The following ZDHHC14 variants were observed in gnomAD, a reference collection of about 807,000 sequenced individuals.
ZDHHC14 encodes the protein palmitoyltransferase ZDHHC14.
A neutral mutation model predicts 47.7 loss-of-function variants in ZDHHC14; 16 were observed. The observed-to-expected ratio is 0.34, with a 90% CI of 0.23 to 0.51. The LOEUF is 0.51. Ranked by LOEUF, ZDHHC14 falls within the 20% of genes least tolerant of loss-of-function variation. ZDHHC14 has a pLI of 0.97. For synonymous variants in ZDHHC14, 293 were observed against 278.9 expected (o/e 1.05, Z -0.50); for missense variants, 515 against 662.5 (o/e 0.78, Z 2.44).
chr6:157,534,685 G>C (rs762673929), intron 1 of ZDHHC14, among the ~76,000 whole-genome samples: 12 of 151,936 alleles, frequency 7.9e-5, no homozygotes, highest in African/African-American at 2.4e-4. Flanking sequence ...GCCTCCCAGG[G>C]TCAAGCCAGC....
At chr6:157,648,525 A>G (rs1201418262) in intron 7 of ZDHHC14, among the ~76,000 whole-genome samples, 1 of 152,192 alleles carries the variant, frequency 6.6e-6, no homozygotes, top group South Asian at 2.1e-4. Context: ...TGCTACTGCA[A>G]AACTAGAACT....
At chr6:157,514,155 A>G (rs766495526) in intron 1 of ZDHHC14, among the ~76,000 whole-genome samples, 4 of 152,216 alleles carry the variant, frequency 2.6e-5, no homozygotes, top group Non-Finnish European at 4.4e-5. Flanking sequence ...ATTAAAAGAA[A>G]AACAGTTGGG....
intron 1 of ZDHHC14, among the ~76,000 whole-genome samples, chr6:157,485,753 G>A (rs1446961438): frequency 6.7e-6 from 1 of 150,210 alleles, no homozygotes; most frequent in African/African-American, 2.5e-5. Flanking sequence ...GCTCATGTCT[G>A]TAATCCCAGC....
At chr6:157,668,661 C>G (rs1293944547) in intron 8 of ZDHHC14, among the ~76,000 whole-genome samples, 1 of 152,160 alleles carries the variant, frequency 6.6e-6, no homozygotes, top group Non-Finnish European at 1.5e-5. Context: ...GATCGTGCCA[C>G]TGCACTCCAG....
intron 2 of ZDHHC14, among the ~76,000 whole-genome samples, chr6:157,572,534 T>C (rs9365130): frequency 0.23 from 34,987 of 151,810 alleles, 4,374 homozygotes; most frequent in East Asian, 0.52. Flanking sequence ...AGGGTACATG[T>C]GCACAACGTG....
rs201742639 is a variant in ZDHHC14, at chr6:157,626,901, C to T, written c.566-1448C>T. Among the ~76,000 whole-genome samples, 6 of 136,072 alleles carry T rather than the reference C, an allele frequency of 4.4e-5. No individual in the cohort carries two copies. The South Asian group carries it at 1.0e-3, about 23-fold the overall frequency. The allele number at this position is 136,072 out of a possible 152,430, so 89.3% of individuals were successfully genotyped here. The stretch of plus-strand genomic sequence containing the variant: ...TTTGCTTTTCCAGCTGGGGGGGGGG[C>T]GGCGGGGGCAGCAACACATGTTAAC... On this transcript the variant is annotated intron_variant, in intron 3 of 8. Transcript: ENST00000359775.
chr6:157,436,891 C>T (rs1050120712), intron 1 of ZDHHC14, among the ~76,000 whole-genome samples: 4 of 152,030 alleles, frequency 2.6e-5, no homozygotes, highest in African/African-American at 4.8e-5. Flanking sequence ...AGATCATCTA[C>T]GCAGAGCTGT....
At chr6:157,552,212 G>A (rs538360643) in intron 2 of ZDHHC14, among the ~76,000 whole-genome samples, 16 of 152,274 alleles carry the variant, frequency 1.1e-4, no homozygotes, top group Admixed American at 5.9e-4. Context: ...TGTAACTGGC[G>A]TATTTGGGAG....
At chr6:157,609,964 A>G (rs1784687590) in intron 3 of ZDHHC14, among the ~76,000 whole-genome samples, 1 of 152,212 alleles carries the variant, frequency 6.6e-6, no homozygotes, top group African/African-American at 2.4e-5. Flanking sequence ...ATCTCACAAC[A>G]TACTTTTTGG....
At chr6:157,423,781 A>AC (rs1225057795) in intron 1 of ZDHHC14, among the ~76,000 whole-genome samples, 2 of 152,202 alleles carry the variant, frequency 1.3e-5, no homozygotes, top group Non-Finnish European at 2.9e-5. Flanking sequence ...TTAAACTCTC[A>AC]CCACTCCAGG....
chr6:157,565,406 A>C (rs1164559037), intron 2 of ZDHHC14, among the ~76,000 whole-genome samples: 3 of 152,202 alleles, frequency 2.0e-5, no homozygotes, highest in African/African-American at 7.2e-5. Context: ...CTGTGGGAAT[A>C]AGGCAAAAAT....
chr6:157,565,184 T>G (rs1582949620), intron 2 of ZDHHC14, among the ~76,000 whole-genome samples: 1 of 152,214 alleles, frequency 6.6e-6, no homozygotes, highest in Non-Finnish European at 1.5e-5. Flanking sequence ...GAGGTCAAGG[T>G]TGCAGTGAGC....
At chr6:157,416,968 G>A (rs1156721364) in intron 1 of ZDHHC14, among the ~76,000 whole-genome samples, 5 of 106,688 alleles carry the variant, frequency 4.7e-5, no homozygotes, top group African/African-American at 1.8e-4. Context: ...ACCATGCCTG[G>A]CTAGTTTTTT....
At position 157,512,832 on chromosome 6, in the gene ZDHHC14, T is replaced by G. The variant is rs147982790; in HGVS notation, c.246-29753T>G. Among the ~76,000 whole-genome samples the G allele has an allele frequency of 8.5e-4, 130 of 152,340 alleles. 1 individual carries two copies. Among genetic ancestry groups the G allele is most frequent in the Non-Finnish European group, 1.0e-3 (69 of 68,038 alleles). ...TAGACTACATAATATACTCTGAAAA[T>G]GTTCCTGTCATTATTTGAGAAATTA... is the stretch of plus-strand genomic sequence containing the variant. On this transcript the variant is annotated intron_variant, in intron 1 of 8. Transcript: ENST00000359775.
intron 1 of ZDHHC14, among the ~76,000 whole-genome samples, chr6:157,415,295 C>T (rs1281916075): frequency 6.6e-6 from 1 of 151,828 alleles, no homozygotes; most frequent in Non-Finnish European, 1.5e-5. Context: ...GTCTTTATTG[C>T]CAGTTTATCA....
intron 1 of ZDHHC14, among the ~76,000 whole-genome samples, chr6:157,487,270 G>A (rs1402619433): frequency 6.6e-6 from 1 of 152,216 alleles, no homozygotes; most frequent in Admixed American, 6.5e-5. Flanking sequence ...TGGGTAGAGA[G>A]GTTGAAGGGA....
intron 2 of ZDHHC14, among the ~76,000 whole-genome samples, chr6:157,561,292 A>G (rs536722811): frequency 6.6e-6 from 1 of 152,292 alleles, no homozygotes; most frequent in South Asian, 2.1e-4. Flanking sequence ...GTTTTCATCA[A>G]ACACCTGCTG....
At chr6:157,558,557 G>A (rs1782573757) in intron 2 of ZDHHC14, among the ~76,000 whole-genome samples, 3 of 152,096 alleles carry the variant, frequency 2.0e-5, no homozygotes, top group Admixed American at 6.5e-5. Context: ...TCTAATATAA[G>A]AAAAGCAATG....
chr6:157,627,578 G>A (rs564181716), intron 3 of ZDHHC14, among the ~76,000 whole-genome samples: 1 of 152,294 alleles, frequency 6.6e-6, no homozygotes, highest in East Asian at 1.9e-4. Flanking sequence ...GGGTACCATG[G>A]GTAACCATGT....
Sources: gnomAD v4.1 joint callset for allele counts (sites outside exome capture counted in the v4.1 genomes callset) on GRCh38, gnomAD v4.1.1 for gene constraint, MANE v1.5 for transcripts, NCBI Gene and HGNC (gene_info 2026-07-23, HGNC 2026-07-21) for gene names.